The following CLDN10 variants were observed in gnomAD, a reference collection of about 807,000 sequenced individuals.
CLDN10 encodes claudin-10.
Under a neutral mutation model 22.9 loss-of-function variants are expected in CLDN10, and 15 were observed. The ratio of observed to expected loss-of-function variants is 0.65; its 90% CI spans 0.44 to 1.01. The LOEUF is 1.01. CLDN10 is among the 50% of genes least tolerant of loss of function. The pLI is 0.00. For synonymous variants in CLDN10, 114 were observed against 111.4 expected (o/e 1.02, Z -0.15); for missense variants, 247 against 287.8 (o/e 0.86, Z 1.03).
Position 95,447,325 on chromosome 13 carries a change from A to G in CLDN10, c.214+13278A>G, listed in dbSNP as rs191358122. 6.6e-5 allele frequency among the ~76,000 whole-genome samples: 10 copies of G among 152,328 alleles called. No individual in the cohort carries two copies. The South Asian group carries it at 1.9e-3, about 28-fold the overall frequency. On this transcript the variant is annotated intron_variant, in intron 1 of 4. Coordinates refer to the CLDN10 transcript ENST00000376873. ...GTCCCCACTAAACTGATTCTACTGC[A>G]GTGGCCGAGGTCCTTCCTTGACGCG... is the stretch of plus-strand genomic sequence containing the variant.
chr13:95,441,702 A>C (rs1480819653), intron 1 of CLDN10, among the ~76,000 whole-genome samples: 1 of 152,218 alleles, frequency 6.6e-6, no homozygotes, highest in African/African-American at 2.4e-5. Context: ...CAGAATCTGC[A>C]ATTTTATAAG....
intron 1 of CLDN10, among the ~76,000 whole-genome samples, chr13:95,480,953 T>C (rs923835630): frequency 1.3e-5 from 2 of 152,206 alleles, no homozygotes; most frequent in African/African-American, 4.8e-5. Flanking sequence ...CAGCAAGAGC[T>C]AACCCCCAGC....
At chr13:95,535,354 G>C (rs982415819) in intron 1 of CLDN10, among the ~76,000 whole-genome samples, 1 of 152,054 alleles carries the variant, frequency 6.6e-6, no homozygotes, top group Non-Finnish European at 1.5e-5. Flanking sequence ...GAGGTGATGA[G>C]GGTCTAAACT....
chr13:95,525,677 A>C, intron 1 of CLDN10, among the ~76,000 whole-genome samples: 1 of 151,926 alleles, frequency 6.6e-6, no homozygotes, highest in Admixed American at 6.6e-5. Flanking sequence ...TTTTTAGTAG[A>C]GACCAGGTTT....
At chr13:95,510,816 G>T (rs540080833) in intron 1 of CLDN10, among the ~76,000 whole-genome samples, 1 of 152,216 alleles carries the variant, frequency 6.6e-6, no homozygotes, top group South Asian at 2.1e-4. Flanking sequence ...GTGAAAATTT[G>T]TTGGAGTGAG....
rs369478051 is a variant in CLDN10 at position 95,473,972 on chromosome 13, CG to C, written c.214+39927del. Among the ~76,000 whole-genome samples the C allele has an allele frequency of 2.8e-4, 43 of 152,264 alleles. 2 individuals are homozygous for C. The East Asian group carries it at 7.7e-3, about 27-fold the overall frequency. The stretch of plus-strand genomic sequence containing the variant: ...CCCCAACCTTTTTGGCACCAGGGAC[CG>C]GTTTCGTGGAAGACAGTTTTTCCAC... On this transcript the variant is annotated intron_variant, in intron 1 of 4. Transcript: ENST00000376873.
intron 1 of CLDN10, among the ~76,000 whole-genome samples, chr13:95,553,846 C>G (rs2138644963): frequency 6.6e-6 from 1 of 152,338 alleles, no homozygotes; most frequent in Non-Finnish European, 1.5e-5. Flanking sequence ...TTCAAGACAA[C>G]AGCCGATGTC....
intron 1 of CLDN10, among the ~76,000 whole-genome samples, chr13:95,474,392 C>A (rs953455016): frequency 1.3e-5 from 2 of 152,204 alleles, no homozygotes; most frequent in Admixed American, 1.3e-4. Flanking sequence ...GCTTCACTCA[C>A]CTGCCTGCCA....
At chr13:95,474,057 G>T (rs1012289752) in intron 1 of CLDN10, among the ~76,000 whole-genome samples, 8 of 152,100 alleles carry the variant, frequency 5.3e-5, no homozygotes, top group Admixed American at 1.3e-4. Context: ...TATTGTGCAG[G>T]TTATTTGTAT....
At chr13:95,565,431 G>A (rs545065745) in intron 3 of CLDN10, among the ~76,000 whole-genome samples, 3 of 152,146 alleles carry the variant, frequency 2.0e-5, no homozygotes, top group East Asian at 1.9e-4. Flanking sequence ...GACATTTACC[G>A]TTAATATTTT....
intron 1 of CLDN10, among the ~76,000 whole-genome samples, chr13:95,442,982 C>A (rs1566646482): frequency 6.6e-6 from 1 of 152,204 alleles, no homozygotes. Flanking sequence ...CATAAGGTCA[C>A]TGGTTTTTAA....
chr13:95,485,189 G>A (rs1036692444), intron 1 of CLDN10, among the ~76,000 whole-genome samples: 7 of 152,224 alleles, frequency 4.6e-5, no homozygotes, highest in South Asian at 2.1e-4. Context: ...ACAAGAGGGC[G>A]AGGTGCCCCT....
At chr13:95,475,613 G>A (rs1454111895) in intron 1 of CLDN10, among the ~76,000 whole-genome samples, 1 of 152,160 alleles carries the variant, frequency 6.6e-6, no homozygotes, top group Non-Finnish European at 1.5e-5. Context: ...ATGGCCTCTG[G>A]GCCCCTGGTG....
chr13:95,538,118 T>C (rs2043419552), intron 1 of CLDN10, among the ~76,000 whole-genome samples: 1 of 151,256 alleles, frequency 6.6e-6, no homozygotes, highest in South Asian at 2.1e-4. Flanking sequence ...TTCATTTGAT[T>C]ACAAATCTGT....
Position 95,504,757 on chromosome 13 carries a change from C to T in CLDN10, c.215-55375C>T, listed in dbSNP as rs184920116. On this transcript the variant is annotated intron_variant, in intron 1 of 4. Coordinates refer to the CLDN10 transcript ENST00000376873. ...CTCACTATGTTGCCCGGGATGGTCTCAAACTCCTGAGCTCAAGTGATCCCC... is the reference window on the plus strand; with the variant it reads ...CTCACTATGTTGCCCGGGATGGTCTTAAACTCCTGAGCTCAAGTGATCCCC... Among the ~76,000 whole-genome samples, 59 of 152,002 alleles carry T rather than the reference C, an allele frequency of 3.9e-4. 1 individual carries two copies. In the East Asian group the frequency reaches 0.01, roughly 27 times the overall value.
intron 1 of CLDN10, among the ~76,000 whole-genome samples, chr13:95,494,262 C>T (rs1347761073): frequency 6.6e-6 from 1 of 152,194 alleles, no homozygotes; most frequent in African/African-American, 2.4e-5. Flanking sequence ...TGCTGTCATA[C>T]TACATTTCAC....
At chr13:95,516,852 T>A (rs1312249805) in intron 1 of CLDN10, among the ~76,000 whole-genome samples, 1 of 152,150 alleles carries the variant, frequency 6.6e-6, no homozygotes, top group Non-Finnish European at 1.5e-5. Flanking sequence ...TCAGAATGTG[T>A]GTGGGAGGGG....
Position 95,539,380 on chromosome 13 carries a change from G to T in CLDN10, c.215-20752G>T, listed in dbSNP as rs577809331. On this transcript the variant is annotated intron_variant, in intron 1 of 4. Coordinates refer to the CLDN10 transcript ENST00000376873. ...TTTTCACCTTCAGTATTTATATTGAGACATGTGGGAATACAGTATTGTTTC... is the reference window on the plus strand; with the variant it reads ...TTTTCACCTTCAGTATTTATATTGATACATGTGGGAATACAGTATTGTTTC... Among the ~76,000 whole-genome samples, 9 of 152,328 alleles carry T rather than the reference G, an allele frequency of 5.9e-5. No individual in the cohort carries two copies. In the South Asian group the frequency reaches 1.9e-3, roughly 32 times the overall value.
chr13:95,513,413 T>C (rs2043126655), intron 1 of CLDN10, among the ~76,000 whole-genome samples: 1 of 152,184 alleles, frequency 6.6e-6, no homozygotes, highest in Non-Finnish European at 1.5e-5. Flanking sequence ...ACATAATGAC[T>C]AAAAATCATC....
Sources: gnomAD v4.1 joint callset for allele counts (sites outside exome capture counted in the v4.1 genomes callset) on GRCh38, gnomAD v4.1.1 for gene constraint, MANE v1.5 for transcripts, NCBI Gene and HGNC (gene_info 2026-07-23, HGNC 2026-07-21) for gene names.